The following CSMD3 variants were observed in gnomAD, a reference collection of about 807,000 sequenced individuals.
CSMD3 encodes CUB and Sushi multiple domains 3.
CSMD3 carries 177 observed loss-of-function variants against 435.2 expected under a neutral mutation model. The ratio of observed to expected loss-of-function variants is 0.41; its 90% CI spans 0.36 to 0.46. CSMD3 has a LOEUF of 0.46. CSMD3 is among the 20% of genes least tolerant of loss of function. The pLI is 0.34. For synonymous variants in CSMD3, 1,656 were observed against 1,520.5 expected (o/e 1.09, Z -2.07); for missense variants, 4,265 against 4,504.6 (o/e 0.95, Z 1.52).
intron 2 of CSMD3, among the ~76,000 whole-genome samples, chr8:113,290,003 T>C (rs1253014830): frequency 6.6e-6 from 1 of 151,762 alleles, no homozygotes; most frequent in Non-Finnish European, 1.5e-5. Context: ...AATGTATATA[T>C]TATAATGTGG....
At chr8:112,726,199 A>G (rs2076961085) in intron 13 of CSMD3, among the ~76,000 whole-genome samples, 1 of 152,004 alleles carries the variant, frequency 6.6e-6, no homozygotes, top group Non-Finnish European at 1.5e-5. Flanking sequence ...CTCACTTGAT[A>G]CTTGGGGATT....
At chr8:112,848,059 G>A (rs1431151592) in intron 11 of CSMD3, among the ~76,000 whole-genome samples, 1 of 152,116 alleles carries the variant, frequency 6.6e-6, no homozygotes, top group African/African-American at 2.4e-5. Flanking sequence ...AGAAAAGGCT[G>A]TCCTTTACCT....
intron 8 of CSMD3, among the ~76,000 whole-genome samples, chr8:112,950,435 G>A (rs1234273733): frequency 6.6e-6 from 1 of 151,908 alleles, no homozygotes; most frequent in Non-Finnish European, 1.5e-5. Flanking sequence ...TAATGGACAA[G>A]CAGTTTGTGA....
intron 38 of CSMD3, among the ~76,000 whole-genome samples, chr8:112,360,956 T>A (rs1586875115): frequency 6.6e-6 from 1 of 152,056 alleles, no homozygotes; most frequent in Non-Finnish European, 1.5e-5. Context: ...AGCCATTTTT[T>A]AAATTTACAC....
chr8:113,131,311 A>C (rs2091277791), intron 4 of CSMD3, among the ~76,000 whole-genome samples: 1 of 152,216 alleles, frequency 6.6e-6, no homozygotes, highest in African/African-American at 2.4e-5. Context: ...CAAGAAGCCA[A>C]GGAGGAAAAA....
intron 22 of CSMD3, among the ~76,000 whole-genome samples, chr8:112,613,571 T>C (rs1480600444): frequency 6.6e-6 from 1 of 152,188 alleles, no homozygotes. Flanking sequence ...CATGGCCTTA[T>C]ACCTTCATTT....
chr8:112,477,461 G>GA (rs1819168044), intron 31 of CSMD3, among the ~76,000 whole-genome samples: 1 of 152,074 alleles, frequency 6.6e-6, no homozygotes, highest in African/African-American at 2.4e-5. Flanking sequence ...ATCTCATATT[G>GA]AAATGTAATC....
In CSMD3 at chr8:112,656,316, C is replaced by T. The variant is rs145207636; in HGVS notation, c.2842G>A (p.Val948Ile). Residue 948 changes from valine (V) to isoleucine (I), a missense_variant, in exon 18 of 71, where the codon GTT (valine) becomes ATT (isoleucine). By Grantham distance (29) the Val-to-Ile change is conservative. Transcript: ENST00000297405. ...ERFQTELNYD[V>I]LEVHDGPNLL... The stretch of plus-strand genomic sequence containing the variant: ...TTTGGCCCATCATGAACTTCCAGAA[C>T]ATCATAATTCAGTTCAGTCTGAAAT... 361 of 1,613,156 alleles carry T rather than the reference C, an allele frequency of 2.2e-4. 1 individual carries two copies. In the African/African-American group the frequency reaches 4.2e-3, roughly 19 times the overall value.
At chr8:113,307,236 C>A (rs537709492) in intron 2 of CSMD3, among the ~76,000 whole-genome samples, 2 of 152,162 alleles carry the variant, frequency 1.3e-5, no homozygotes, top group Non-Finnish European at 2.9e-5. Context: ...GTACTTGAAA[C>A]ATGCTTTATT....
intron 22 of CSMD3, among the ~76,000 whole-genome samples, chr8:112,601,011 A>G (rs1315043992): frequency 1.3e-5 from 2 of 152,122 alleles, no homozygotes; most frequent in East Asian, 1.9e-4. Flanking sequence ...TGAAAACCCA[A>G]TAAATACTGC....
At chr8:113,060,329 A>C (rs2088558300) in intron 5 of CSMD3, among the ~76,000 whole-genome samples, 1 of 148,712 alleles carries the variant, frequency 6.7e-6, no homozygotes. Context: ...TGAACTCATC[A>C]TTTTTTATGG....
intron 4 of CSMD3, among the ~76,000 whole-genome samples, chr8:113,158,738 A>AT (rs2091981527): frequency 6.6e-6 from 1 of 151,950 alleles, no homozygotes; most frequent in African/African-American, 2.4e-5. Flanking sequence ...TGGTTTATAT[A>AT]TATTTTTGTA....
chr8:112,496,444 T>C (rs547692895), intron 30 of CSMD3, among the ~76,000 whole-genome samples: 1 of 152,164 alleles, frequency 6.6e-6, no homozygotes, highest in South Asian at 2.1e-4. Flanking sequence ...GATCCAGCAA[T>C]CCCACTGCTA....
At chr8:113,083,340 C>T (rs966154369) in intron 5 of CSMD3, among the ~76,000 whole-genome samples, 1 of 151,874 alleles carries the variant, frequency 6.6e-6, no homozygotes, top group African/African-American at 2.4e-5. Flanking sequence ...ATGATATATT[C>T]AAAGTGCTGA....
intron 5 of CSMD3, among the ~76,000 whole-genome samples, chr8:113,080,968 T>C (rs2089540480): frequency 6.6e-6 from 1 of 152,226 alleles, no homozygotes; most frequent in Non-Finnish European, 1.5e-5. Flanking sequence ...ATTTAAATTT[T>C]ATTTCTCCCA....
chr8:112,895,781 A>G (rs1186740681), intron 10 of CSMD3, among the ~76,000 whole-genome samples: 1 of 151,498 alleles, frequency 6.6e-6, no homozygotes, highest in Non-Finnish European at 1.5e-5. Context: ...AGCTGGAGAT[A>G]CTAATACTTA....
intron 13 of CSMD3, among the ~76,000 whole-genome samples, chr8:112,706,343 A>C (rs949933201): frequency 2.0e-5 from 3 of 152,144 alleles, no homozygotes; most frequent in Admixed American, 6.6e-5. Flanking sequence ...CAAGCATACA[A>C]GTACATAAAA....
chr8:112,661,839 T>A (rs1279841861), intron 17 of CSMD3, among the ~76,000 whole-genome samples: 1 of 151,940 alleles, frequency 6.6e-6, no homozygotes, highest in Non-Finnish European at 1.5e-5. Flanking sequence ...ATAATAATAG[T>A]ATGTTTCAAA....
chr8:113,137,765 A>G (rs942086202), intron 4 of CSMD3, among the ~76,000 whole-genome samples: 3 of 151,542 alleles, frequency 2.0e-5, no homozygotes, highest in African/African-American at 7.3e-5. Flanking sequence ...TTACCTCTCA[A>G]AGACCACACC....
Sources: allele counts gnomAD v4.1 joint callset (sites outside exome capture counted in the v4.1 genomes callset), GRCh38; gene constraint gnomAD v4.1.1; transcripts MANE v1.5; gene names NCBI Gene and HGNC (gene_info 2026-07-23, HGNC 2026-07-21).